Variants in TCF4 observed in about 807,000 individuals in gnomAD.
TCF4 encodes the protein transcription factor 4, also known as SL3-3 enhancer factor 2.
Under a neutral mutation model 82.1 loss-of-function variants are expected in TCF4, and 3 were observed. That is an observed-to-expected ratio of 0.04 (90% CI 0.02 to 0.09). TCF4 has a LOEUF of 0.09. TCF4 is among the 10% of genes least tolerant of loss of function. TCF4 has a pLI of 1.00. For missense variants in TCF4, 518 were observed against 852.7 expected (o/e 0.61, Z 4.89); for synonymous variants, 276 against 309.6 (o/e 0.89, Z 1.14).
chr18:55,319,679 CAAA>C (rs556811648), intron 8 of TCF4, among the ~76,000 whole-genome samples: 1 of 134,536 alleles, frequency 7.4e-6, no homozygotes, highest in Non-Finnish European at 1.6e-5. Flanking sequence ...ACCATCCTCT[CAAA>C]AAAAAAAAAA....
At chr18:55,411,430 G>A (rs1042252895) in intron 5 of TCF4, among the ~76,000 whole-genome samples, 2 of 152,130 alleles carry the variant, frequency 1.3e-5, no homozygotes, top group Non-Finnish European at 2.9e-5. Flanking sequence ...GCATTTGAAA[G>A]CTTATTTTTT....
chr18:55,251,408 C>T (rs2145371503), intron 15 of TCF4, among the ~76,000 whole-genome samples: 1 of 152,112 alleles, frequency 6.6e-6, no homozygotes, highest in South Asian at 2.1e-4. Flanking sequence ...TTTTATGAAT[C>T]AAAAGCTAAG....
chr18:55,507,293 T>G (rs1033771554), intron 3 of TCF4, among the ~76,000 whole-genome samples: 20 of 152,316 alleles, frequency 1.3e-4, no homozygotes, highest in African/African-American at 4.3e-4. Flanking sequence ...AAAGGGTGAC[T>G]AGAACCTGAG....
chr18:55,399,342 TAAC>T (rs1388320856), intron 6 of TCF4, among the ~76,000 whole-genome samples: 4 of 152,160 alleles, frequency 2.6e-5, no homozygotes, highest in African/African-American at 9.7e-5. Flanking sequence ...TTCTGGAAAT[TAAC>T]AACAACCTCC....
intron 15 of TCF4, among the ~76,000 whole-genome samples, chr18:55,248,802 T>C (rs1005414996): frequency 2.6e-5 from 4 of 152,162 alleles, no homozygotes; most frequent in Non-Finnish European, 4.4e-5. Context: ...TGGAGTGCAG[T>C]GGCACAATCT....
At chr18:55,583,955 G>A (rs984747742) in intron 3 of TCF4, among the ~76,000 whole-genome samples, 1 of 151,910 alleles carries the variant, frequency 6.6e-6, no homozygotes, top group African/African-American at 2.4e-5. Context: ...AACATAACCA[G>A]GTCCAGGATA....
intron 2 of TCF4, 90 bp from the exon 3 acceptor site, chr18:55,585,442 C>CT: frequency 8.3e-7 from 1 of 1,201,062 alleles, no homozygotes; most frequent in East Asian, 2.3e-5. Context: ...TACCAAACAG[C>CT]TTAGAGTTTA....
At chr18:55,311,299 T>A (rs377154294) in intron 8 of TCF4, among the ~76,000 whole-genome samples, 1 of 152,306 alleles carries the variant, frequency 6.6e-6, no homozygotes, top group East Asian at 1.9e-4. Flanking sequence ...TCCAGATATA[T>A]CACTTTGCAA....
intron 3 of TCF4, among the ~76,000 whole-genome samples, chr18:55,577,456 T>C (rs1382043493): frequency 6.6e-6 from 1 of 151,890 alleles, no homozygotes; most frequent in Non-Finnish European, 1.5e-5. Flanking sequence ...TTTCTAACCA[T>C]AATCATTATC....
At chr18:55,317,568 A>G (rs1006755597) in intron 8 of TCF4, among the ~76,000 whole-genome samples, 1 of 152,048 alleles carries the variant, frequency 6.6e-6, no homozygotes. Flanking sequence ...AAATGTACTG[A>G]AAAATGTTAT....
chr18:55,557,245 A>C (rs1366274917), intron 3 of TCF4, among the ~76,000 whole-genome samples: 2 of 142,984 alleles, frequency 1.4e-5, no homozygotes, highest in Non-Finnish European at 3.1e-5. Context: ...ATGCAAACAC[A>C]CAGACACACA....
chr18:55,322,092 C>CTT (rs374155330), intron 8 of TCF4: 52 of 944,990 alleles, frequency 5.5e-5, no homozygotes, highest in South Asian at 5.3e-5. Flanking sequence ...TTTTTCTTTT[C>CTT]TTTTTTTTTT....
upstream of TCF4, among the ~76,000 whole-genome samples, chr18:55,592,817 G>A (rs527654545): frequency 1.3e-5 from 2 of 152,324 alleles, no homozygotes; most frequent in South Asian, 4.1e-4. Context: ...AGAACCATGA[G>A]TAAGCAGAGG....
chr18:55,565,982 C>T (rs1486244681), intron 3 of TCF4, among the ~76,000 whole-genome samples: 11 of 148,764 alleles, frequency 7.4e-5, no homozygotes, highest in African/African-American at 2.5e-4. Flanking sequence ...CAGGCGATCA[C>T]GAGGTCAGGA....
chr18:55,463,924 G>C (rs1450214848), intron 4 of TCF4, 152 bp downstream of exon 4: 2 of 822,404 alleles, frequency 2.4e-6, no homozygotes, highest in Non-Finnish European at 4.3e-6. Flanking sequence ...GTGTGTGTTT[G>C]TGTGCGTGTG....
intron 3 of TCF4, chr18:55,482,247 CAAG>C: frequency 6.6e-6 from 1 of 152,292 alleles, no homozygotes; most frequent in South Asian, 2.1e-4. Flanking sequence ...TCAATGGCAG[CAAG>C]TTCAGTCTAT....
chr18:55,397,967 T>A (rs1020912898), intron 6 of TCF4, among the ~76,000 whole-genome samples: 19 of 152,194 alleles, frequency 1.2e-4, no homozygotes, highest in Admixed American at 7.2e-4. Context: ...TCAACTGTTC[T>A]GGATGCTCAA....
intron 3 of TCF4, among the ~76,000 whole-genome samples, chr18:55,536,873 G>A (rs1031651199): frequency 2.0e-5 from 3 of 152,112 alleles, no homozygotes; most frequent in African/African-American, 7.2e-5. Context: ...GGTGGCTCAC[G>A]CCTGTAATCC....
chr18:55,536,101 A>G (rs2097112289), intron 3 of TCF4, among the ~76,000 whole-genome samples: 1 of 152,208 alleles, frequency 6.6e-6, no homozygotes, highest in South Asian at 2.1e-4. Flanking sequence ...TTCACAATTC[A>G]TGTTTCAAAC....
Sources: allele counts gnomAD v4.1 joint callset (sites outside exome capture counted in the v4.1 genomes callset), GRCh38; gene constraint gnomAD v4.1.1; transcripts MANE v1.5; gene names NCBI Gene and HGNC (gene_info 2026-07-23, HGNC 2026-07-21).